Variants in DOCK11 observed in about 807,000 individuals in gnomAD.
DOCK11 encodes the protein dedicator of cytokinesis protein 11.
In DOCK11, 70 loss-of-function variants were observed where a neutral mutation model predicts 169.1. The ratio of observed to expected loss-of-function variants is 0.41; its 90% CI spans 0.34 to 0.51. The LOEUF is 0.51. DOCK11 is among the 20% of genes least tolerant of loss of function. The probability of loss-of-function intolerance (pLI) is 0.10; values close to 1 mark genes in which losing one functional copy is unlikely to be tolerated. For missense variants in DOCK11, 1,166 were observed against 1,538.8 expected (o/e 0.76, Z 4.05); for synonymous variants, 529 against 541.3 (o/e 0.98, Z 0.32).
rs189229844 is a variant in DOCK11 at position 118,537,244 on chromosome X, C to T, written c.103-5481C>T. On this transcript the variant is annotated intron_variant, in intron 1 of 52. Coordinates refer to ENST00000276202, the MANE Select transcript of DOCK11 (RefSeq NM_144658.4). ...GAGGATGGGGTGGTGGTAGTGGTGGCGTGGTGGTGCAGGGATGTTTTTGAA... is the reference window on the plus strand; with the variant it reads ...GAGGATGGGGTGGTGGTAGTGGTGGTGTGGTGGTGCAGGGATGTTTTTGAA... Among the ~76,000 whole-genome samples, 6 of 111,251 alleles carry T rather than the reference C, an allele frequency of 5.4e-5. No individual in the cohort carries two copies. The East Asian group carries it at 1.1e-3, about 21-fold the overall frequency.
intron 14 of DOCK11, among the ~76,000 whole-genome samples, chrX:118,581,760 C>T (rs1282234673): frequency 2.2e-5 from 2 of 90,904 alleles, no homozygotes; most frequent in Non-Finnish European, 4.2e-5. Context: ...GCAGAGATTG[C>T]GCCACGGCAC....
At chrX:118,664,244 T>C (rs1160335566) in intron 45 of DOCK11, among the ~76,000 whole-genome samples, 1 of 110,362 alleles carries the variant, frequency 9.1e-6, no homozygotes, top group African/African-American at 3.3e-5. Context: ...GGTTTGGAGG[T>C]TAAGGGAAAA....
In DOCK11 at chrX:118,542,901, A is replaced by G. The variant is rs1367734958; in HGVS notation, c.220-25A>G. 7.5e-6 allele frequency: 9 copies of G among 1,205,523 alleles called. No individual in the cohort carries two copies. In the African/African-American group the frequency reaches 1.4e-4, roughly 19 times the overall value. The stretch of plus-strand genomic sequence containing the variant: ...CCCTATTTTTCAAGCCAGTTCTTAC[A>G]GCAAAAATGTTCTTTGTGTTCTAGA... On this transcript the variant is annotated intron_variant, in intron 2 of 52. Coordinates refer to ENST00000276202, the MANE Select transcript of DOCK11 (RefSeq NM_144658.4).
chrX:118,627,311 A>G (rs767551841), intron 32 of DOCK11, among the ~76,000 whole-genome samples, 193 bp from the exon 33 acceptor site: 7 of 111,404 alleles, frequency 6.3e-5, no homozygotes, highest in Non-Finnish European at 1.1e-4. Flanking sequence ...GCTAGAGGTC[A>G]TGGTTACAAC....
chrX:118,578,686 C>T (rs371384137), intron 13 of DOCK11, 39 bp downstream of exon 13: 197 of 1,158,486 alleles, frequency 1.7e-4, no homozygotes, highest in Middle Eastern at 2.6e-4. Flanking sequence ...TTCACCTTAA[C>T]GTAGAATTTG....
In DOCK11 at chrX:118,676,596, T is replaced by A; in HGVS notation, c.5319T>A (p.Phe1773Leu). The A allele has an allele frequency of 8.8e-7, 1 of 1,138,554 alleles. No homozygotes were observed. The highest frequency in any genetic ancestry group is 1.2e-6 in the Non-Finnish European group (1 of 850,211). 93.8% of individuals were successfully genotyped at this position (1,138,554 alleles called of 1,213,427 possible). A position where few individuals can be genotyped will look rare whatever the true frequency, so the allele number is the denominator to read the frequency against. Residue 1773 changes from phenylalanine (F) to leucine (L), a missense_variant, in exon 48 of 53, where the codon TTT becomes TTA. Coordinates refer to ENST00000276202, the MANE Select transcript of DOCK11 (RefSeq NM_144658.4). ...TTTGTTTAACTTTATAATAGTCTTTTTTTGAAGAAGAAGATGGAAAGGAGT... is the reference window on the plus strand; with the variant it reads ...TTTGTTTAACTTTATAATAGTCTTTATTTGAAGAAGAAGATGGAAAGGAGT... ...FFRVAFYGQS[F>L]FEEEDGKEYI...
At chrX:118,566,466 A>G (rs1321525079) in intron 8 of DOCK11, 108 bp from the exon 9 acceptor site, 2 of 752,967 alleles carry the variant, frequency 2.7e-6, no homozygotes, top group Admixed American at 3.8e-5. Flanking sequence ...ATTCTTTGCA[A>G]TAAATCTTGT....
intron 1 of DOCK11, among the ~76,000 whole-genome samples, chrX:118,537,744 C>T (rs1453993907): frequency 8.9e-6 from 1 of 112,150 alleles, no homozygotes; most frequent in African/African-American, 3.2e-5. Flanking sequence ...ATTGTAAAGT[C>T]TAAGTGGTGA....
At chrX:118,532,673 C>T (rs1435900514) in intron 1 of DOCK11, among the ~76,000 whole-genome samples, 2 of 105,502 alleles carry the variant, frequency 1.9e-5, no homozygotes, top group African/African-American at 3.5e-5. Flanking sequence ...CCCAGCTACT[C>T]GGGAGGCTGA....
intron 1 of DOCK11, among the ~76,000 whole-genome samples, chrX:118,516,018 T>TATATATATATATGC (rs1269373292): frequency 8.6e-5 from 7 of 81,503 alleles, no homozygotes; most frequent in African/African-American, 3.7e-4. Flanking sequence ...TATATATATA[T>TATATATATATATGC]ACATTCTTAC....
intron 6 of DOCK11, among the ~76,000 whole-genome samples, chrX:118,552,507 G>T (rs1459898277): frequency 8.9e-6 from 1 of 112,427 alleles, no homozygotes; most frequent in Non-Finnish European, 1.9e-5. Context: ...GCTCTGGTCA[G>T]TTGTTAAGAT....
At position 118,680,150 on chromosome X, in the gene DOCK11, C is replaced by T. The variant is rs182294351; in HGVS notation, c.5461-332C>T. On this transcript the variant is annotated intron_variant, in intron 48 of 52. Transcript: ENST00000276202. ...CCATGTTGGCCAGGCTGGTCTCAAA[C>T]CCCTGACCTCAAGTGATCCGCCCGC... 1.5e-4 allele frequency among the ~76,000 whole-genome samples: 16 copies of T among 109,210 alleles called. No homozygotes were observed. In the East Asian group the frequency reaches 3.7e-3, roughly 25 times the overall value. The allele number at this position is 109,210 out of a possible 115,157, so 94.8% of individuals were successfully genotyped here. A position where few individuals can be genotyped will look rare whatever the true frequency, so the allele number is the denominator to read the frequency against.
intron 6 of DOCK11, among the ~76,000 whole-genome samples, chrX:118,557,763 C>CAAAAAAAAAA (rs773728594): frequency 8.2e-5 from 2 of 24,334 alleles, no homozygotes; most frequent in African/African-American, 3.9e-4. Flanking sequence ...GACTCTGTCT[C>CAAAAAAAAAA]AAAAAAAAAA....
intron 1 of DOCK11, among the ~76,000 whole-genome samples, chrX:118,525,334 A>T (rs776460802): frequency 3.0e-4 from 33 of 111,566 alleles, no homozygotes; most frequent in Non-Finnish European, 5.8e-4. Context: ...ATGGAATATT[A>T]TTCAGCCTTA....
At chrX:118,564,975 G>A (rs193125886) in intron 7 of DOCK11, among the ~76,000 whole-genome samples, 7 of 109,370 alleles carry the variant, frequency 6.4e-5, no homozygotes, top group South Asian at 4.0e-4. Flanking sequence ...TCACTGTGTC[G>A]CCCCGGCTGG....
chrX:118,636,259 C>T (rs2015384714), intron 35 of DOCK11, 87 bp from the exon 36 acceptor site: 2 of 484,505 alleles, frequency 4.1e-6, no homozygotes, highest in African/African-American at 4.9e-5. Flanking sequence ...AGTTGATAGT[C>T]CTTGAAGCTA....
At chrX:118,545,196 T>C in intron 4 of DOCK11, 127 bp from the exon 5 acceptor site, 1 of 421,333 alleles carries the variant, frequency 2.4e-6, no homozygotes, top group East Asian at 4.3e-5. Context: ...CATTTTCTCG[T>C]TTGTGAAAGA....
At chrX:118,577,770 G>C (rs1160919534) in intron 12 of DOCK11, among the ~76,000 whole-genome samples, 1 of 111,727 alleles carries the variant, frequency 9.0e-6, no homozygotes, top group Non-Finnish European at 1.9e-5. Flanking sequence ...TATTAACAAA[G>C]TTGGTAATAT....
At chrX:118,642,355 A>G (rs981426307) in intron 39 of DOCK11, among the ~76,000 whole-genome samples, 22 of 112,156 alleles carry the variant, frequency 2.0e-4, no homozygotes, top group Non-Finnish European at 3.2e-4. Context: ...TTTTGAAACA[A>G]TGGAAATGTT....
Sources: gnomAD v4.1 joint callset for allele counts (sites outside exome capture counted in the v4.1 genomes callset) on GRCh38, gnomAD v4.1.1 for gene constraint, MANE v1.5 for transcripts, NCBI Gene and HGNC (gene_info 2026-07-23, HGNC 2026-07-21) for gene names.